The following ERICH1 variants were observed in gnomAD, a reference collection of about 807,000 sequenced individuals.
The protein encoded by ERICH1 is glutamate-rich protein 1.
ERICH1 carries 56 observed loss-of-function variants against 39.6 expected under a neutral mutation model. The ratio of observed to expected loss-of-function variants is 1.41; its 90% CI spans 1.14 to 1.77. The LOEUF (loss-of-function observed/expected upper bound fraction) is 1.77, where lower values mean the gene tolerates loss of function less well. ERICH1 is among the 40% of genes most tolerant of loss of function. ERICH1 has a pLI of 0.00. For missense variants in ERICH1, 826 were observed against 575.4 expected (o/e 1.44, Z -4.45); for synonymous variants, 313 against 223.6 (o/e 1.40, Z -3.57).
intron 3 of ERICH1, among the ~76,000 whole-genome samples, chr8:617,477 G>A (rs760313586): frequency 2.0e-5 from 3 of 152,222 alleles, no homozygotes; most frequent in South Asian, 2.1e-4. Flanking sequence ...CTTGGTGCTC[G>A]GTCTATCCTC....
chr8:671,863 G>A (rs1034854861), intron 4 of ERICH1: 2 of 163,306 alleles, frequency 1.2e-5, no homozygotes, highest in African/African-American at 4.9e-5. Context: ...TGCTCACTGG[G>A]CTCCAGGCTG....
At position 664,239 on chromosome 8, in the gene ERICH1, T is replaced by C. The variant is rs2131774250; in HGVS notation, c.*364A>G. ...CATTTTAATACCCAGAAAGCATTCT[T>C]AAAGCAGAGACTTTCAGATACAAGG... On this transcript the variant is annotated 3_prime_UTR_variant, in exon 6 of 6. Coordinates refer to ENST00000262109, the MANE Select transcript of ERICH1 (RefSeq NM_207332.3). 1.0e-6 allele frequency: 1 copy of C among 996,608 alleles called. No individual in the cohort carries two copies. The highest frequency in any genetic ancestry group is 1.1e-4 in the East Asian group (1 of 9,426). The allele number at this position is 996,608 out of a possible 1,614,324, so 61.7% of individuals were successfully genotyped here. A position where few individuals can be genotyped will look rare whatever the true frequency, so the allele number is the denominator to read the frequency against.
chr8:637,586 A>G (rs1212776466), intron 3 of ERICH1: 2 of 152,384 alleles, frequency 1.3e-5, no homozygotes, highest in African/African-American at 4.8e-5. Flanking sequence ...GCTCATGGCC[A>G]CTGCAGATGC....
chr8:631,966 T>A (rs1798067267), intron 3 of ERICH1, among the ~76,000 whole-genome samples: 1 of 152,190 alleles, frequency 6.6e-6, no homozygotes, highest in Non-Finnish European at 1.5e-5. Context: ...AGGTGCTTCC[T>A]GTCCTTCCAG....
intron 2 of ERICH1, among the ~76,000 whole-genome samples, chr8:713,896 CAT>C (rs1263413737): frequency 6.6e-6 from 1 of 152,174 alleles, no homozygotes; most frequent in Non-Finnish European, 1.5e-5. Flanking sequence ...CGTCTGGCTT[CAT>C]AGACTTATGT....
At chr8:682,208 A>C (rs2131963168) in intron 3 of ERICH1, among the ~76,000 whole-genome samples, 1 of 152,194 alleles carries the variant, frequency 6.6e-6, no homozygotes, top group East Asian at 1.9e-4. Flanking sequence ...CCGTAACACA[A>C]TTATAGTCAC....
chr8:642,239 G>C (rs1799076936), intron 3 of ERICH1, among the ~76,000 whole-genome samples: 1 of 152,088 alleles, frequency 6.6e-6, no homozygotes, highest in African/African-American at 2.4e-5. Context: ...CACAGGTCGG[G>C]AATGCACACT....
chr8:697,834 C>G (rs1009586191), intron 2 of ERICH1, among the ~76,000 whole-genome samples: 1 of 152,198 alleles, frequency 6.6e-6, no homozygotes, highest in East Asian at 1.9e-4. Context: ...CAGCAGAGTG[C>G]GTGATAGGTG....
intron 2 of ERICH1, among the ~76,000 whole-genome samples, chr8:693,688 C>T (rs1384418864): frequency 1.3e-5 from 2 of 151,660 alleles, no homozygotes; most frequent in Non-Finnish European, 1.5e-5. Context: ...GTGTGCCCCT[C>T]TACCAGAAGT....
At chr8:615,716 T>G (rs541754627) in intron 3 of ERICH1, 196 of 155,684 alleles carry the variant, frequency 1.3e-3, no homozygotes, top group African/African-American at 4.5e-3. Flanking sequence ...TCTTATTGCT[T>G]GGAGGTTTAC....
intron 2 of ERICH1, among the ~76,000 whole-genome samples, chr8:700,543 C>T (rs1320756157): frequency 8.3e-6 from 1 of 120,316 alleles, no homozygotes; most frequent in African/African-American, 2.8e-5. Context: ...GGCGCACAGG[C>T]CCGCACACGC....
chr8:715,237 G>A (rs934508086), intron 2 of ERICH1, among the ~76,000 whole-genome samples: 53 of 150,700 alleles, frequency 3.5e-4, no homozygotes, highest in African/African-American at 6.8e-4. Flanking sequence ...AGGATGTGCC[G>A]CAGACAGGTG....
At chr8:635,600 C>T (rs554064005) in intron 3 of ERICH1, among the ~76,000 whole-genome samples, 2 of 152,346 alleles carry the variant, frequency 1.3e-5, no homozygotes, top group East Asian at 3.9e-4. Context: ...CGGCCCCGAC[C>T]TGCCAGAGGA....
intron 2 of ERICH1, among the ~76,000 whole-genome samples, chr8:713,595 G>A (rs1433693535): frequency 6.6e-6 from 1 of 152,130 alleles, no homozygotes; most frequent in African/African-American, 2.4e-5. Flanking sequence ...TCGCAGGTTA[G>A]ACAGGCTTTC....
intron 3 of ERICH1, chr8:615,831 A>T (rs6993620): frequency 6.6e-6 from 1 of 152,200 alleles, no homozygotes; most frequent in African/African-American, 2.4e-5. Flanking sequence ...TCTGATAGAA[A>T]AACTTGTTAC....
At chr8:700,073 GCGCACAGA>G in intron 2 of ERICH1, among the ~76,000 whole-genome samples, 1 of 127,042 alleles carries the variant, frequency 7.9e-6, no homozygotes, top group Non-Finnish European at 1.6e-5. Context: ...GCCCTCACAG[GCGCACAGA>G]CCCGCACACG....
chr8:695,542 C>T (rs1239254130), intron 2 of ERICH1, among the ~76,000 whole-genome samples: 2 of 129,534 alleles, frequency 1.5e-5, no homozygotes, highest in African/African-American at 5.5e-5. Context: ...CTCCTCTCGC[C>T]CTCCACTCCT....
exon 4 of ERICH1, chr8:615,255 T>C (rs1225484811): frequency 1.4e-6 from 1 of 697,576 alleles, no homozygotes; most frequent in Admixed American, 2.1e-5. Flanking sequence ...CCTCTTCTTA[T>C]TTTCTTGGCT....
rs533879356 is a variant in ERICH1, at chr8:619,422, T to C, written c.977-4138A>G. The stretch of plus-strand genomic sequence containing the variant: ...AAATGCTTACATAAAAGAATATGTA[T>C]ATAATTACATTATTTGTATTATAAC... On this transcript the variant is annotated intron_variant, in intron 3 of 3. Coordinates refer to the ERICH1 transcript ENST00000522706. Among the ~76,000 whole-genome samples, 87 of 152,326 alleles carry C rather than the reference T, an allele frequency of 5.7e-4. No individual in the cohort carries two copies. The Middle Eastern group carries it at 0.01, about 18-fold the overall frequency.
Sources: allele counts gnomAD v4.1 joint callset (sites outside exome capture counted in the v4.1 genomes callset), GRCh38; gene constraint gnomAD v4.1.1; transcripts MANE v1.5; gene names NCBI Gene and HGNC (gene_info 2026-07-23, HGNC 2026-07-21).